Variants in ACBD6 observed in about 807,000 individuals in gnomAD.
The protein encoded by ACBD6 is acyl-CoA binding domain containing 6.
Under a neutral mutation model 37.2 loss-of-function variants are expected in ACBD6, and 28 were observed. That is an observed-to-expected ratio of 0.75 (90% confidence interval 0.56 to 1.03). The LOEUF (loss-of-function observed/expected upper bound fraction) is 1.03, where lower values mean the gene tolerates loss of function less well. Ranked by LOEUF, ACBD6 falls within the 50% of genes least tolerant of loss-of-function variation. The pLI, the probability that ACBD6 is intolerant of heterozygous loss-of-function variation, is 0.00. For synonymous variants in ACBD6, 113 were observed against 126.8 expected, an observed-to-expected ratio of 0.89 and a Z score of 0.73; for missense variants, 340 against 337.4, an observed-to-expected ratio of 1.01 and a Z score of -0.06.
intron 6 of ACBD6, among the ~76,000 whole-genome samples, chr1:180,380,174 T>C (rs941873065): frequency 7.2e-5 from 11 of 152,168 alleles, no homozygotes; most frequent in African/African-American, 2.4e-4. Context: ...GGCAAGAAGA[T>C]TGCTTGAGCC....
chr1:180,437,063 G>T (rs1303002784), intron 3 of ACBD6, among the ~76,000 whole-genome samples: 1 of 152,228 alleles, frequency 6.6e-6, no homozygotes, highest in East Asian at 1.9e-4. Flanking sequence ...TTCTGAGGCT[G>T]TGTCATGGGT....
chr1:180,296,171 T>A (rs1463359753), intron 7 of ACBD6, among the ~76,000 whole-genome samples: 1 of 152,128 alleles, frequency 6.6e-6, no homozygotes, highest in African/African-American at 2.4e-5. Flanking sequence ...AGCCACAACA[T>A]CCCCTGAAGC....
Position 180,273,726 on chromosome 1 carries a change from TC to T in ACBD6, c.*1112+210del, listed in dbSNP as rs1165987301. ...ATTTTGTACAGATGTCTAAGAGTGG[TC>T]CTCAGCTTCCCTGACCATATGGGCC... On this transcript the variant is annotated intron_variant, in intron 11 of 13. Transcript: ENST00000642319. 8 of 199,518 alleles carry T rather than the reference TC, an allele frequency of 4.0e-5. No homozygotes were observed. The Admixed American group carries it at 4.3e-4, about 11-fold the overall frequency. 12.4% of individuals were successfully genotyped at this position (199,518 alleles called of 1,614,324 possible).
exon 14 of ACBD6, chr1:180,271,356 G>A (rs1404831979): frequency 6.2e-7 from 1 of 1,614,122 alleles, no homozygotes; most frequent in Admixed American, 1.7e-5. Context: ...GCCGAAGCCA[G>A]TAAGCAGTGG....
intron 4 of ACBD6, among the ~76,000 whole-genome samples, chr1:180,425,844 T>C (rs1648561983): frequency 6.6e-6 from 1 of 152,354 alleles, no homozygotes. Flanking sequence ...AGTTAGTTCA[T>C]ATTTCACCAA....
intron 8 of ACBD6, chr1:180,281,437 C>A (rs1649305285): frequency 6.6e-6 from 1 of 152,212 alleles, no homozygotes; most frequent in Non-Finnish European, 1.5e-5. Flanking sequence ...GTGTGTTGCA[C>A]ATTTTAACTG....
chr1:180,280,260 CTT>C (rs1488237967), intron 9 of ACBD6, among the ~76,000 whole-genome samples: 1 of 152,006 alleles, frequency 6.6e-6, no homozygotes, highest in Non-Finnish European at 1.5e-5. Context: ...TCTGAGACTC[CTT>C]AGACAGTAGC....
intron 6 of ACBD6, among the ~76,000 whole-genome samples, chr1:180,366,491 C>A (rs961512948): frequency 1.2e-4 from 19 of 152,094 alleles, no homozygotes; most frequent in Non-Finnish European, 2.2e-4. Flanking sequence ...TAAGAAGGAG[C>A]AATTTACTAT....
chr1:180,475,216 C>T (rs68046305), intron 3 of ACBD6, among the ~76,000 whole-genome samples: 16,171 of 152,084 alleles, frequency 0.11, 1,238 homozygotes, highest in African/African-American at 0.21. Context: ...TGAGTTTTGA[C>T]GTATATTGGT....
intron 4 of ACBD6, among the ~76,000 whole-genome samples, chr1:180,414,014 AT>A (rs1228702649): frequency 2.0e-5 from 3 of 152,206 alleles, no homozygotes; most frequent in Non-Finnish European, 4.4e-5. Context: ...AGACCAACTG[AT>A]TTTGTATACA....
At chr1:180,374,096 A>C (rs1653351707) in intron 6 of ACBD6, among the ~76,000 whole-genome samples, 1 of 152,224 alleles carries the variant, frequency 6.6e-6, no homozygotes, top group Admixed American at 6.5e-5. Context: ...ATGCCACAAC[A>C]TAATAAATCA....
chr1:180,469,080 T>C (rs557196977), intron 3 of ACBD6, among the ~76,000 whole-genome samples: 1 of 152,320 alleles, frequency 6.6e-6, no homozygotes. Flanking sequence ...TAATAATATA[T>C]AGTCCTTTTC....
intron 3 of ACBD6, among the ~76,000 whole-genome samples, chr1:180,441,489 A>G (rs1160733677): frequency 1.3e-5 from 2 of 152,234 alleles, no homozygotes; most frequent in Non-Finnish European, 2.9e-5. Flanking sequence ...TCTAAATAAA[A>G]TTAAATCTTC....
exon 10 of ACBD6, chr1:180,274,659 G>A: frequency 1.4e-6 from 2 of 1,441,422 alleles, no homozygotes; most frequent in Non-Finnish European, 1.9e-6. Context: ...GCCTTTTAAG[G>A]ATCGAAAGTA....
rs372019376 is a variant in ACBD6 at position 180,303,468 on chromosome 1, T to C, written c.694+11224A>G. On this transcript the variant is annotated intron_variant, in intron 7 of 7. Transcript: ENST00000367595. ...AAATACAAACTACCATCAGAGAATATTATAAACACCTCTACGCAAATAAAC... is the reference window on the plus strand; with the variant it reads ...AAATACAAACTACCATCAGAGAATACTATAAACACCTCTACGCAAATAAAC... 4.6e-5 allele frequency among the ~76,000 whole-genome samples: 7 copies of C among 150,612 alleles called. No homozygotes were observed. The South Asian group carries it at 6.4e-4, about 14-fold the overall frequency.
At chr1:180,332,705 T>C (rs186745516) in intron 6 of ACBD6, among the ~76,000 whole-genome samples, 44 of 152,220 alleles carry the variant, frequency 2.9e-4, no homozygotes, top group Non-Finnish European at 2.5e-4. Flanking sequence ...TCTCATAATA[T>C]ATTGCAATGT....
intron 3 of ACBD6, among the ~76,000 whole-genome samples, chr1:180,440,889 T>C (rs1043869993): frequency 6.6e-6 from 1 of 152,246 alleles, no homozygotes; most frequent in Non-Finnish European, 1.5e-5. Context: ...TCTTCATTCC[T>C]TTTTATGATT....
Position 180,406,060 on chromosome 1 carries a change from C to A in ACBD6, c.573+7306G>T, listed in dbSNP as rs79172155. 2.0e-4 allele frequency among the ~76,000 whole-genome samples: 31 copies of A among 152,112 alleles called. 1 individual carries two copies. The East Asian group carries it at 6.0e-3, about 29-fold the overall frequency. On this transcript the variant is annotated intron_variant, in intron 5 of 7. Coordinates refer to ENST00000367595, the MANE Select transcript of ACBD6 (RefSeq NM_032360.4). ...GACACCATGGTGTTACAAACTTGGA[C>A]CCTAAAACATCTAAGCATAACTACG... is the stretch of plus-strand genomic sequence containing the variant.
intron 5 of ACBD6, among the ~76,000 whole-genome samples, chr1:180,408,227 A>G (rs981736405): frequency 6.6e-6 from 1 of 152,224 alleles, no homozygotes; most frequent in African/African-American, 2.4e-5. Context: ...ACAGCTTAGC[A>G]ATGAGTATTT....
Sources: gnomAD v4.1 joint callset for allele counts (sites outside exome capture counted in the v4.1 genomes callset) on GRCh38, gnomAD v4.1.1 for gene constraint, MANE v1.5 for transcripts, NCBI Gene and HGNC (gene_info 2026-07-23, HGNC 2026-07-21) for gene names.